Variants in ZNRF1 observed in about 807,000 individuals in gnomAD.
ZNRF1 encodes zinc and ring finger 1.
Under a neutral mutation model 18.4 loss-of-function variants are expected in ZNRF1, and 3 were observed. The ratio of observed to expected loss-of-function variants is 0.16; its 90% CI spans 0.07 to 0.42. The LOEUF (loss-of-function observed/expected upper bound fraction) is 0.42. ZNRF1 is among the 10% of genes least tolerant of loss of function. The pLI, the probability that ZNRF1 is intolerant of heterozygous loss-of-function variation, is 0.99. For synonymous variants in ZNRF1, 157 were observed against 144.2 expected (o/e 1.09, Z -0.64); for missense variants, 310 against 329.8 (o/e 0.94, Z 0.47).
At chr16:75,029,775 A>C (rs902307220) in intron 1 of ZNRF1, among the ~76,000 whole-genome samples, 1 of 149,038 alleles carries the variant, frequency 6.7e-6, no homozygotes, top group East Asian at 2.2e-4. Context: ...TCTCAGAACA[A>C]ACAAACAAAA....
chr16:75,015,206 T>C (rs2035050719), intron 1 of ZNRF1, among the ~76,000 whole-genome samples: 6 of 152,228 alleles, frequency 3.9e-5, no homozygotes, highest in Admixed American at 3.3e-4. Flanking sequence ...TTAAGAAATA[T>C]TTTATTTACC....
chr16:75,100,805 G>A (rs1202264938), intron 2 of ZNRF1, among the ~76,000 whole-genome samples: 2 of 152,236 alleles, frequency 1.3e-5, no homozygotes, highest in Non-Finnish European at 2.9e-5. Context: ...AAGACAAAGA[G>A]AGTGGGGAAT....
chr16:75,017,280 A>G (rs1429532786), intron 1 of ZNRF1, among the ~76,000 whole-genome samples: 1 of 152,218 alleles, frequency 6.6e-6, no homozygotes, highest in Non-Finnish European at 1.5e-5. Context: ...AATTAAATTG[A>G]GTTTATCAAT....
intron 1 of ZNRF1, among the ~76,000 whole-genome samples, chr16:75,059,330 C>T (rs2035713825): frequency 6.9e-6 from 1 of 145,404 alleles, no homozygotes; most frequent in Admixed American, 7.0e-5. Flanking sequence ...TCACTGCAAC[C>T]TCCACCTCCT....
chr16:75,082,776 A>G (rs2036028558), intron 1 of ZNRF1, among the ~76,000 whole-genome samples: 1 of 152,202 alleles, frequency 6.6e-6, no homozygotes, highest in South Asian at 2.1e-4. Flanking sequence ...CTGGTCTTGA[A>G]TACCTGAGAT....
chr16:75,066,956 T>C (rs2035813111), intron 1 of ZNRF1, among the ~76,000 whole-genome samples: 1 of 152,150 alleles, frequency 6.6e-6, no homozygotes, highest in African/African-American at 2.4e-5. Context: ...GAACCAAGCA[T>C]TTGAGAGCAG....
At chr16:75,084,605 A>C (rs1014539325) in intron 1 of ZNRF1, 1 of 152,230 alleles carries the variant, frequency 6.6e-6, no homozygotes, top group East Asian at 1.9e-4. Flanking sequence ...TACCCAGGCA[A>C]GCTATCCATT....
intron 1 of ZNRF1, among the ~76,000 whole-genome samples, chr16:75,074,740 C>A (rs967856867): frequency 2.0e-5 from 3 of 152,050 alleles, no homozygotes; most frequent in Non-Finnish European, 4.4e-5. Context: ...TCACTCTATT[C>A]AATTTTTTTG....
chr16:75,088,296 A>G (rs1460989177), intron 1 of ZNRF1, among the ~76,000 whole-genome samples: 1 of 152,208 alleles, frequency 6.6e-6, no homozygotes, highest in Non-Finnish European at 1.5e-5. Flanking sequence ...AGTCTTTTCT[A>G]GCTGTCCGTG....
intron 4 of ZNRF1, 122 bp from the exon 5 acceptor site, chr16:75,107,611 G>GAAACA (rs2036333500): frequency 2.3e-6 from 1 of 425,726 alleles, no homozygotes; most frequent in Admixed American, 2.5e-5. Context: ...TGTGCTGTTT[G>GAAACA]GCTTCTGGGG....
rs925445736 is a variant in ZNRF1 at position 75,036,135 on chromosome 16, A to G, written c.424+36040A>G. Among the ~76,000 whole-genome samples the G allele has an allele frequency of 5.3e-5, 8 of 151,990 alleles. No individual in the cohort carries two copies. The South Asian group carries it at 8.3e-4, about 16-fold the overall frequency. The stretch of plus-strand genomic sequence containing the variant: ...GTTTTACTAGCTACCTCCTATAACA[A>G]TCTCAGCTCACAGCAGCCTTGACCT... On this transcript the variant is annotated intron_variant, in intron 1 of 4. Transcript: ENST00000335325.
intron 1 of ZNRF1, among the ~76,000 whole-genome samples, chr16:75,058,550 C>G (rs962080044): frequency 6.6e-6 from 1 of 152,188 alleles, no homozygotes; most frequent in African/African-American, 2.4e-5. Context: ...GACAACTACT[C>G]TAGACCAGAA....
intron 1 of ZNRF1, among the ~76,000 whole-genome samples, chr16:75,023,236 C>A (rs2035177383): frequency 6.6e-6 from 1 of 152,146 alleles, no homozygotes. Flanking sequence ...CCTTAAATTG[C>A]CATCTCATTC....
chr16:75,000,263 G>A (rs1290906611), intron 1 of ZNRF1, 168 bp downstream of exon 1: 5 of 1,047,640 alleles, frequency 4.8e-6, no homozygotes, highest in East Asian at 2.6e-5. Context: ...CTGGAAACTA[G>A]GCTTTCTGCG....
At chr16:75,008,845 C>G (rs573685727) in intron 1 of ZNRF1, among the ~76,000 whole-genome samples, 9 of 152,142 alleles carry the variant, frequency 5.9e-5, no homozygotes, top group Admixed American at 5.9e-4. Context: ...AAGGCTGCTG[C>G]AAGGATATAC....
At chr16:75,004,295 C>T (rs2034890573) in intron 1 of ZNRF1, among the ~76,000 whole-genome samples, 1 of 152,172 alleles carries the variant, frequency 6.6e-6, no homozygotes, top group Non-Finnish European at 1.5e-5. Flanking sequence ...ACTCCCTTTC[C>T]ACGTTAAAAA....
intron 1 of ZNRF1, among the ~76,000 whole-genome samples, chr16:75,063,508 A>C (rs900419708): frequency 1.3e-5 from 2 of 152,180 alleles, no homozygotes; most frequent in Non-Finnish European, 2.9e-5. Context: ...ATAGGTGTGC[A>C]TGGCATTTAG....
At chr16:75,105,099 A>G (rs1030722618) in intron 3 of ZNRF1, 34 of 501,900 alleles carry the variant, frequency 6.8e-5, no homozygotes, top group Non-Finnish European at 1.1e-4. Flanking sequence ...TGGAGTTGCC[A>G]GAGGTGTGCT....
intron 1 of ZNRF1, among the ~76,000 whole-genome samples, chr16:75,073,617 C>T (rs1018829335): frequency 1.1e-4 from 17 of 152,074 alleles, no homozygotes; most frequent in South Asian, 4.1e-4. Context: ...CCTGGTGCTA[C>T]GGATTCTTTT....
Sources: allele counts gnomAD v4.1 joint callset (sites outside exome capture counted in the v4.1 genomes callset), GRCh38; gene constraint gnomAD v4.1.1; transcripts MANE v1.5; gene names NCBI Gene and HGNC (gene_info 2026-07-23, HGNC 2026-07-21).